Variants in MMS19 observed in about 807,000 individuals in gnomAD.
MMS19 encodes MMS19 cytosolic iron-sulfur assembly component.
MMS19 carries 77 observed loss-of-function variants against 129.8 expected under a neutral mutation model. The observed-to-expected ratio is 0.59, with a 90% CI of 0.49 to 0.72. The LOEUF (loss-of-function observed/expected upper bound fraction) is 0.72, where lower values mean the gene tolerates loss of function less well. Ranked by LOEUF, MMS19 falls within the 30% of genes least tolerant of loss-of-function variation. The pLI, the probability that MMS19 is intolerant of heterozygous loss-of-function variation, is 0.00. For synonymous variants in MMS19, 491 were observed against 502.8 expected, an observed-to-expected ratio of 0.98 and a Z score of 0.31; for missense variants, 1,168 against 1,266.3, an observed-to-expected ratio of 0.92 and a Z score of 1.18.
In MMS19 at chr10:97,461,712, G is replaced by A. The variant is rs544688630; in HGVS notation, c.2185-90C>T. On this transcript the variant is annotated intron_variant, in intron 22 of 30. Transcript: ENST00000438925. ...AGTGGCAGCAGGGACCGGGACGGAT[G>A]AGAACTAACTTCTCTGGTGGGGGAA... is the stretch of plus-strand genomic sequence containing the variant. 42 of 1,548,478 alleles carry A rather than the reference G, an allele frequency of 2.7e-5. No individual in the cohort carries two copies. In the African/African-American group the frequency reaches 3.5e-4, roughly 13 times the overall value.
At chr10:97,472,072 A>G (rs921388385) in intron 8 of MMS19, among the ~76,000 whole-genome samples, 3 of 152,236 alleles carry the variant, frequency 2.0e-5, no homozygotes, top group Admixed American at 2.0e-4. Context: ...AGTACCCAAC[A>G]CAGTACATGA....
rs1369050928 is a variant in MMS19, at chr10:97,462,124, G to A, written c.2013-5C>T. The stretch of plus-strand genomic sequence containing the variant: ...GTCACACTCTGGGCAGCTAACCTGG[G>A]GGCAGAGTACTAGGTATGACCAAGG... On this transcript the variant is annotated splice_polypyrimidine_tract_variant and splice_region_variant and intron_variant, in intron 20 of 30. Transcript: ENST00000438925. 1 of 1,565,140 alleles carries A rather than the reference G, an allele frequency of 6.4e-7. No homozygotes were observed. The highest frequency in any genetic ancestry group is 2.4e-5 in the East Asian group (1 of 42,396).
chr10:97,467,416 ACTT>A (rs2033737835), intron 14 of MMS19, 86 bp downstream of exon 14: 1 of 932,240 alleles, frequency 1.1e-6, no homozygotes, highest in Non-Finnish European at 1.7e-6. Flanking sequence ...GTTCTAGACT[ACTT>A]TTCCACAGCA....
At chr10:97,495,845 G>A (rs781503643) in intron 1 of MMS19, among the ~76,000 whole-genome samples, 15 of 152,200 alleles carry the variant, frequency 9.9e-5, no homozygotes, top group Non-Finnish European at 1.5e-4. Flanking sequence ...GCAGGGGCGC[G>A]ATCTCCGCTC....
intron 8 of MMS19, among the ~76,000 whole-genome samples, chr10:97,474,829 A>G (rs999869211): frequency 2.0e-5 from 3 of 152,184 alleles, no homozygotes; most frequent in Non-Finnish European, 4.4e-5. Flanking sequence ...TTCTAATGGG[A>G]AAATGGACAG....
chr10:97,460,416 C>T, intron 25 of MMS19, 184 bp from the exon 26 acceptor site: 2 of 636,228 alleles, frequency 3.1e-6, no homozygotes, highest in South Asian at 4.0e-5. Context: ...ACAAAAAATA[C>T]AAACATTAGT....
At position 97,473,346 on chromosome 10, in the gene MMS19, A is replaced by G. The variant is rs1408581321; in HGVS notation, c.685-2485T>C. Among the ~76,000 whole-genome samples, 4 of 152,086 alleles carry G rather than the reference A, an allele frequency of 2.6e-5. No individual in the cohort carries two copies. In the East Asian group the frequency reaches 5.8e-4, roughly 22 times the overall value. On this transcript the variant is annotated intron_variant, in intron 8 of 30. Coordinates refer to ENST00000438925, the MANE Select transcript of MMS19 (RefSeq NM_022362.5). ...CCACTGCGCCCGGCCTAGAATTTCT[A>G]TTCTTGAATTACATGCCCATAATGT...
rs762273892 is a variant in MMS19, at chr10:97,458,831, G to A, written c.3034C>T (p.Arg1012Cys). The part of the protein sequence containing the change: ...KPLDDKKRLV[R>C]KEAVSARGEW... Reference sequence around the variant, plus strand: ...CCTCTGGCTGACACTGCTTCCTTGCGCACCAGTCTCTTCTTGTCATCCAGG... The same window carrying A: ...CCTCTGGCTGACACTGCTTCCTTGCACACCAGTCTCTTCTTGTCATCCAGG... The change falls in exon 30 of 31, where the codon CGC becomes TGC. Residue 1012 changes from arginine (R) to cysteine (C), a missense_variant. By Grantham distance (180) the Arg-to-Cys change is radical. Transcript: ENST00000438925. 9 of 1,613,846 alleles carry A rather than the reference G, an allele frequency of 5.6e-6. No individual in the cohort carries two copies. Among genetic ancestry groups the A allele is most frequent in the East Asian group, 2.2e-5 (1 of 44,884 alleles).
rs184467216 is a variant in MMS19, at chr10:97,478,313, C to T, written c.339G>A (p.Leu113=). The part of the protein sequence containing the change: ...HLVIPSVLQG[L]KALSLCVALP... ...ATGAAGGAAAACTCACAAGTGCCTT[C>T]AAACCCTGCAGGACAGATGGGATCA... The change falls in exon 4 of 31, where the codon TTG becomes TTA. Residue 113 remains leucine, a synonymous_variant. Coordinates refer to ENST00000438925, the MANE Select transcript of MMS19 (RefSeq NM_022362.5). The T allele has an allele frequency of 2.5e-6, 4 of 1,598,560 alleles. No homozygotes were observed. The highest frequency in any genetic ancestry group is 1.7e-4 in the Middle Eastern group (1 of 6,048).
chr10:97,496,511 C>CAAAAAAAAAAAAAAAAAAAAATAAAAA (rs11357826), intron 1 of MMS19, among the ~76,000 whole-genome samples: 1 of 108,054 alleles, frequency 9.3e-6, no homozygotes. Flanking sequence ...GACCTTGTCT[C>CAAAAAAAAAAAAAAAAAAAAATAAAAA]AAAAAAAAAA....
rs1243782747 is a variant in MMS19, at chr10:97,465,902, C to T, written c.1659G>A (p.Leu553=). 1 of 1,614,024 alleles carries T rather than the reference C, an allele frequency of 6.2e-7. No homozygotes were observed. Among genetic ancestry groups the T allele is most frequent in the African/African-American group, 1.3e-5 (1 of 75,066 alleles). ...CAGCTGACAAGGCTTGCAGACAGCA[C>T]AGATGCCGGGAGCATTGGGTGGGCT... ...GDEPTQCSRH[L]CCLQALSAVS... Residue 553 remains leucine (L), a synonymous_variant, in exon 18 of 31, where the codon CTG becomes CTA. Transcript: ENST00000438925.
At chr10:97,466,981 C>A in intron 14 of MMS19, 80 bp from the exon 15 acceptor site, 1 of 1,557,536 alleles carries the variant, frequency 6.4e-7, no homozygotes, top group Non-Finnish European at 8.7e-7. Flanking sequence ...CACAGCCAAC[C>A]TGGGGTAGAT....
chr10:97,466,063 A>C lies in MMS19; in HGVS notation c.1602T>G (p.Arg534=). The part of the protein sequence containing the change: ...HLVPKLAEEL[R]VGESNLTNGD... ...CAGAGGATTAGAGACACATACCTACACGCAGCTCCTCAGCGAGCTTGGGTA... is the reference window on the plus strand; with the variant it reads ...CAGAGGATTAGAGACACATACCTACCCGCAGCTCCTCAGCGAGCTTGGGTA... Residue 534 remains arginine (R), a synonymous_variant, in exon 17 of 31, where the codon CGT becomes CGG. Transcript: ENST00000438925. 6.2e-7 allele frequency: 1 copy of C among 1,613,790 alleles called. No homozygotes were observed. The highest frequency in any genetic ancestry group is 2.2e-5 in the East Asian group (1 of 44,882).
intron 9 of MMS19, 107 bp from the exon 10 acceptor site, chr10:97,470,310 G>A: frequency 6.4e-6 from 5 of 777,358 alleles, no homozygotes; most frequent in Non-Finnish European, 2.2e-6. Context: ...ACTACATCAA[G>A]GAGCTGTACT....
At chr10:97,470,230 C>T (rs1160690919) in intron 9 of MMS19, 27 bp from the exon 10 acceptor site, 1 of 1,531,890 alleles carries the variant, frequency 6.5e-7, no homozygotes, top group Non-Finnish European at 9.0e-7. Flanking sequence ...AGATCTTAAG[C>T]CTGAGATGGG....
In MMS19 at chr10:97,458,380, C is replaced by G; in HGVS notation, c.*312G>C. ...TAGACAACATCTGCCAGCCCTGGTCCTCAGGGCCACACTCATATGCACTCA... is the reference window on the plus strand; with the variant it reads ...TAGACAACATCTGCCAGCCCTGGTCGTCAGGGCCACACTCATATGCACTCA... On this transcript the variant is annotated 3_prime_UTR_variant, in exon 31 of 31. Coordinates refer to ENST00000438925, the MANE Select transcript of MMS19 (RefSeq NM_022362.5). The G allele has an allele frequency of 3.4e-6, 1 of 296,166 alleles. No homozygotes were observed. 18.3% of individuals were successfully genotyped at this position (296,166 alleles called of 1,614,324 possible).
chr10:97,483,955 A>G lies in MMS19; in HGVS notation c.161+148T>C, dbSNP rs931663758. The G allele has an allele frequency of 1.3e-5, 7 of 521,044 alleles. No individual in the cohort carries two copies. In the African/African-American group the frequency reaches 1.4e-4, roughly 10 times the overall value. 32.3% of individuals were successfully genotyped at this position (521,044 alleles called of 1,614,324 possible). ...TTTTCAGGAGAAACAATTCAAACAT[A>G]TAGGCTTAGACTGAGGTACTAATAT... On this transcript the variant is annotated intron_variant, in intron 2 of 30. Transcript: ENST00000438925.
chr10:97,465,679 A>ATT, intron 18 of MMS19, 126 bp downstream of exon 18: 5 of 860,322 alleles, frequency 5.8e-6, no homozygotes, highest in Non-Finnish European at 6.9e-6. Context: ...AGGCATCAGT[A>ATT]TTTTTTTTTT....
At position 97,470,343 on chromosome 10, in the gene MMS19, A is replaced by C. The variant is rs1421590996; in HGVS notation, c.772-140T>G. 4.5e-6 allele frequency: 3 copies of C among 666,608 alleles called. No homozygotes were observed. In the African/African-American group the frequency reaches 5.4e-5, roughly 12 times the overall value. The allele number at this position is 666,608 out of a possible 1,614,324, so 41.3% of individuals were successfully genotyped here. On this transcript the variant is annotated intron_variant, in intron 9 of 30. Transcript: ENST00000438925. ...ACTCAAGTCAGGAGCTATGAATGTA[A>C]GCTAACCTTCCTGCCAAGCAGTGAC...
Sources: allele counts gnomAD v4.1 joint callset (sites outside exome capture counted in the v4.1 genomes callset), GRCh38; gene constraint gnomAD v4.1.1; transcripts MANE v1.5; gene names NCBI Gene and HGNC (gene_info 2026-07-23, HGNC 2026-07-21).